SLC36A2: variants seen among roughly 807,000 people sequenced by gnomAD.
SLC36A2 encodes proton-coupled amino acid transporter 2.
In SLC36A2, 39 loss-of-function variants were observed where a neutral mutation model predicts 42.7. The ratio of observed to expected loss-of-function variants is 0.91; its 90% CI spans 0.71 to 1.19. The LOEUF (loss-of-function observed/expected upper bound fraction) is 1.19, where lower values mean the gene tolerates loss of function less well. Ranked by LOEUF, SLC36A2 falls within the 50% of genes most tolerant of loss-of-function variation. The pLI is 0.00. For missense variants in SLC36A2, 590 were observed against 613.7 expected, an observed-to-expected ratio of 0.96 and a Z score of 0.41; for synonymous variants, 237 against 240.8, an observed-to-expected ratio of 0.98 and a Z score of 0.15.
chr5:151,345,077 G>A (rs1370448345), intron 1 of SLC36A2, among the ~76,000 whole-genome samples: 1 of 152,110 alleles, frequency 6.6e-6, no homozygotes, highest in African/African-American at 2.4e-5. Flanking sequence ...TTGCCCGGAG[G>A]ACAAAGTCTA....
intron 1 of SLC36A2, among the ~76,000 whole-genome samples, chr5:151,344,964 G>A (rs911246068): frequency 6.6e-6 from 1 of 152,114 alleles, no homozygotes; most frequent in African/African-American, 2.4e-5. Context: ...TTGGGCTCCA[G>A]AGGGATTTCT....
chr5:151,320,084 T>C lies in SLC36A2; in HGVS notation c.1180+1962A>G, dbSNP rs549551751. Among the ~76,000 whole-genome samples, 4 of 152,072 alleles carry C rather than the reference T, an allele frequency of 2.6e-5. No individual in the cohort carries two copies. The South Asian group carries it at 8.3e-4, about 32-fold the overall frequency. On this transcript the variant is annotated intron_variant, in intron 9 of 9. Coordinates refer to ENST00000335244, the MANE Select transcript of SLC36A2 (RefSeq NM_181776.3). ...TGTATCAATGTTGACTTTTTCTTTC[T>C]TTTTTCTAGTAAAAAAAAGTTCTTT...
chr5:151,324,231 C>T (rs1023589825), intron 8 of SLC36A2, among the ~76,000 whole-genome samples: 1 of 152,170 alleles, frequency 6.6e-6, no homozygotes, highest in African/African-American at 2.4e-5. Context: ...CAACCTCCAC[C>T]TCCCAGGTTC....
At chr5:151,318,468 A>G (rs990096000) in intron 9 of SLC36A2, among the ~76,000 whole-genome samples, 18 of 138,492 alleles carry the variant, frequency 1.3e-4, no homozygotes, top group East Asian at 9.8e-4. Context: ...TTTATATATA[A>G]ATAAAATATA....
At chr5:151,322,529 G>A (rs1306765893) in intron 8 of SLC36A2, among the ~76,000 whole-genome samples, 2 of 152,198 alleles carry the variant, frequency 1.3e-5, no homozygotes, top group African/African-American at 2.4e-5. Flanking sequence ...TTTTAAAAAA[G>A]AGAGGCTCAG....
At chr5:151,332,757 G>A (rs1012492303) in intron 7 of SLC36A2, among the ~76,000 whole-genome samples, 3 of 152,094 alleles carry the variant, frequency 2.0e-5, no homozygotes, top group Non-Finnish European at 2.9e-5. Flanking sequence ...TTACAGGAAT[G>A]TACACCAAAA....
chr5:151,340,144 GAGGAGA>G (rs1204948435), intron 4 of SLC36A2, among the ~76,000 whole-genome samples: 1 of 114,640 alleles, frequency 8.7e-6, no homozygotes, highest in Non-Finnish European at 1.6e-5. Flanking sequence ...GGAAGAAGAG[GAGGAGA>G]AGGAGGAGGA....
At chr5:151,334,814 G>C (rs778176914) in intron 6 of SLC36A2, among the ~76,000 whole-genome samples, 1 of 152,112 alleles carries the variant, frequency 6.6e-6, no homozygotes, top group Non-Finnish European at 1.5e-5. Flanking sequence ...CATTATAATA[G>C]ATTTGCTTAT....
Position 151,344,565 on chromosome 5 carries a change from A to C in SLC36A2, c.165-298T>G, listed in dbSNP as rs937936667. 1.3e-5 allele frequency among the ~76,000 whole-genome samples: 2 copies of C among 152,334 alleles called. 1 individual carries two copies. Among genetic ancestry groups the C allele is most frequent in the Middle Eastern group, 6.8e-3 (2 of 294 alleles). On this transcript the variant is annotated intron_variant, in intron 1 of 9. Transcript: ENST00000335244. ...ATTTAATCTTCTAGTCAAGGCTCTG[A>C]CAAAGATACGATTATCATCTTGCAG...
chr5:151,340,253 AAG>A (rs1052327073), intron 4 of SLC36A2, among the ~76,000 whole-genome samples: 2 of 146,580 alleles, frequency 1.4e-5, no homozygotes, highest in African/African-American at 5.2e-5. Context: ...GAGGGGGAAG[AAG>A]AGGAGGAGGT....
At chr5:151,337,714 T>C (rs1294593284) in intron 5 of SLC36A2, among the ~76,000 whole-genome samples, 2 of 152,006 alleles carry the variant, frequency 1.3e-5, no homozygotes, top group Admixed American at 6.5e-5. Flanking sequence ...TGCCAACAGA[T>C]GATAGTAGAG....
In SLC36A2 at chr5:151,330,998, A is replaced by G. The variant is rs536058060; in HGVS notation, c.843+2226T>C. On this transcript the variant is annotated intron_variant, in intron 7 of 9. Transcript: ENST00000335244. ...TAATGGTAGACTTATGATCTTATAG[A>G]CCAATGGAATAGAATTGAGAGTACA... Among the ~76,000 whole-genome samples the G allele has an allele frequency of 5.3e-5, 8 of 152,336 alleles. No homozygotes were observed. The East Asian group carries it at 1.5e-3, about 29-fold the overall frequency.
chr5:151,331,490 A>AT lies in SLC36A2; in HGVS notation c.843+1733dup, dbSNP rs142952666. Among the ~76,000 whole-genome samples the AT allele has an allele frequency of 5.9e-3, 882 of 150,142 alleles. 47 individuals carry two copies. In the East Asian group the frequency reaches 0.12, roughly 21 times the overall value. ...GCCACTACACCCAGCTAATTAAAAA[A>AT]TTTTTTTTTGCAGAGACAGGGTCTC... On this transcript the variant is annotated intron_variant, in intron 7 of 9. Coordinates refer to ENST00000335244, the MANE Select transcript of SLC36A2 (RefSeq NM_181776.3).
chr5:151,329,456 A>G (rs1248943103), intron 7 of SLC36A2, among the ~76,000 whole-genome samples: 1 of 152,258 alleles, frequency 6.6e-6, no homozygotes, highest in African/African-American at 2.4e-5. Flanking sequence ...TCAAGAGAAA[A>G]GACAACAGAT....
At chr5:151,328,223 A>G (rs146444752) in intron 7 of SLC36A2, among the ~76,000 whole-genome samples, 5 of 152,328 alleles carry the variant, frequency 3.3e-5, no homozygotes, top group African/African-American at 9.6e-5. Flanking sequence ...ACTTCACAAT[A>G]TCTCTTTCAC....
intron 5 of SLC36A2, 133 bp from the exon 6 acceptor site, chr5:151,335,680 G>A: frequency 1.4e-6 from 1 of 733,994 alleles, no homozygotes; most frequent in Non-Finnish European, 2.5e-6. Context: ...ATCTCACGGT[G>A]AGTTAGGGTG....
intron 8 of SLC36A2, among the ~76,000 whole-genome samples, chr5:151,324,199 G>A (rs1755785645): frequency 6.6e-6 from 1 of 152,126 alleles, no homozygotes. Flanking sequence ...CTGGAGTGCT[G>A]TGGTGCTATC....
At chr5:151,320,513 A>G (rs551765625) in intron 9 of SLC36A2, among the ~76,000 whole-genome samples, 27 of 152,334 alleles carry the variant, frequency 1.8e-4, no homozygotes, top group African/African-American at 6.0e-4. Flanking sequence ...TGCAATTACA[A>G]TCAAAAGGCA....
rs1756529317 is a variant in SLC36A2 at position 151,347,426 on chromosome 5, C to T, written c.35G>A (p.Gly12Glu). ...AAGGTCCAATTTGATGGCAACGGCT[C>T]CCTGGGGACCCTCAGTACTTTTTGT... ...SVTKSTEGPQ[G>E]AVAIKLDLMS... is the part of the protein sequence containing the mutation. Residue 12 changes from glycine (G) to glutamate (E), a missense_variant, in exon 1 of 10, where the codon GGA becomes GAA. Physicochemically the swap from Gly to Glu is moderately conservative, Grantham distance 98. Coordinates refer to ENST00000335244, the MANE Select transcript of SLC36A2 (RefSeq NM_181776.3). 6.2e-7 allele frequency: 1 copy of T among 1,614,044 alleles called. No homozygotes were observed. Among genetic ancestry groups the T allele is most frequent in the South Asian group, 1.1e-5 (1 of 91,088 alleles).
Sources: gnomAD v4.1 joint callset for allele counts (sites outside exome capture counted in the v4.1 genomes callset) on GRCh38, gnomAD v4.1.1 for gene constraint, MANE v1.5 for transcripts, NCBI Gene and HGNC (gene_info 2026-07-23, HGNC 2026-07-21) for gene names.